ANGPT1: variants seen among roughly 807,000 people sequenced by gnomAD.
ANGPT1 encodes the protein angiopoietin 1, also known as angiopoietin-1.
ANGPT1 carries 17 observed loss-of-function variants against 62.2 expected under a neutral mutation model. The ratio of observed to expected loss-of-function variants is 0.27; its 90% CI spans 0.19 to 0.41. The LOEUF is 0.41. ANGPT1 is among the 10% of genes least tolerant of loss of function. The probability of loss-of-function intolerance (pLI) is 1.00; values close to 1 mark genes in which losing one functional copy is unlikely to be tolerated. For missense variants in ANGPT1, 478 were observed against 594.9 expected (o/e 0.80, Z 2.04); for synonymous variants, 199 against 198.9 (o/e 1.00, Z 0.00).
chr8:107,299,896 T>C (rs1328227794), intron 5 of ANGPT1, among the ~76,000 whole-genome samples: 2 of 123,698 alleles, frequency 1.6e-5, no homozygotes, highest in African/African-American at 3.0e-5. Flanking sequence ...TATCTAGATA[T>C]GTAGTTATAT....
chr8:107,333,391 G>C (rs530256023), intron 3 of ANGPT1, among the ~76,000 whole-genome samples: 1 of 152,132 alleles, frequency 6.6e-6, no homozygotes, highest in African/African-American at 2.4e-5. Flanking sequence ...GATGTGGAAT[G>C]GAAGTGTAAG....
At chr8:107,457,602 G>A (rs1322773465) in intron 1 of ANGPT1, among the ~76,000 whole-genome samples, 1 of 151,878 alleles carries the variant, frequency 6.6e-6, no homozygotes, top group Non-Finnish European at 1.5e-5. Flanking sequence ...TTTCTGAAGG[G>A]AAGTTACAAG....
intron 1 of ANGPT1, among the ~76,000 whole-genome samples, chr8:107,468,057 AATGG>A (rs1812252335): frequency 6.6e-6 from 1 of 152,102 alleles, no homozygotes; most frequent in Admixed American, 6.6e-5. Flanking sequence ...GAGGGAAATG[AATGG>A]AATCTACAAC....
At chr8:107,368,051 A>T (rs1056178589) in intron 1 of ANGPT1, among the ~76,000 whole-genome samples, 5 of 152,150 alleles carry the variant, frequency 3.3e-5, no homozygotes, top group African/African-American at 1.2e-4. Flanking sequence ...AAGGTTTTCA[A>T]TTTACTTTGC....
chr8:107,324,885 G>C (rs897316923), intron 3 of ANGPT1, among the ~76,000 whole-genome samples: 1 of 152,168 alleles, frequency 6.6e-6, no homozygotes. Flanking sequence ...AATACCAAGA[G>C]AGAAAGGAGC....
At chr8:107,445,842 T>C (rs1168102236) in intron 1 of ANGPT1, among the ~76,000 whole-genome samples, 2 of 152,182 alleles carry the variant, frequency 1.3e-5, no homozygotes, top group African/African-American at 2.4e-5. Context: ...TTAAAGTTTC[T>C]AGTATGCTAC....
intron 5 of ANGPT1, 46 bp downstream of exon 5, chr8:107,303,194 A>G: frequency 6.3e-7 from 1 of 1,596,734 alleles, no homozygotes; most frequent in East Asian, 2.2e-5. Context: ...CAGCAATTCA[A>G]CTGGGATCTG....
intron 1 of ANGPT1, among the ~76,000 whole-genome samples, chr8:107,414,764 T>C (rs1198364121): frequency 2.0e-5 from 3 of 152,176 alleles, no homozygotes; most frequent in Admixed American, 6.5e-5. Flanking sequence ...ATAATACCTC[T>C]ACAAAATGAA....
intron 1 of ANGPT1, among the ~76,000 whole-genome samples, chr8:107,469,280 G>A (rs1418201249): frequency 6.6e-6 from 1 of 151,916 alleles, no homozygotes; most frequent in Non-Finnish European, 1.5e-5. Context: ...TCATTGTCCT[G>A]TGTATCTCTT....
At chr8:107,282,192 T>C (rs997646605) in intron 7 of ANGPT1, among the ~76,000 whole-genome samples, 47 of 152,048 alleles carry the variant, frequency 3.1e-4, no homozygotes, top group African/African-American at 1.0e-3. Flanking sequence ...TTTTAATGAG[T>C]TCTCATTTCC....
chr8:107,285,283 T>A (rs1449349175), intron 6 of ANGPT1, among the ~76,000 whole-genome samples: 1 of 152,176 alleles, frequency 6.6e-6, no homozygotes, highest in East Asian at 1.9e-4. Flanking sequence ...ACTATTATTA[T>A]TCACAAATGC....
rs1045032008 is a variant in ANGPT1, at chr8:107,291,902, G to C, written c.1038+2034C>G. Reference sequence around the variant, plus strand: ...ATTTCCACTGAAGATGGGGGGGGGGGGGGGCTTGCCACTTAATAGGCAGTC... The same window carrying C: ...ATTTCCACTGAAGATGGGGGGGGGGCGGGGCTTGCCACTTAATAGGCAGTC... On this transcript the variant is annotated intron_variant, in intron 6 of 8. Coordinates refer to ENST00000517746, the MANE Select transcript of ANGPT1 (RefSeq NM_001146.5). Among the ~76,000 whole-genome samples, 10 of 140,426 alleles carry C rather than the reference G, an allele frequency of 7.1e-5. 1 individual carries two copies. Among genetic ancestry groups the C allele is most frequent in the East Asian group, 4.5e-4 (2 of 4,420 alleles). The allele number at this position is 140,426 out of a possible 152,430, so 92.1% of individuals were successfully genotyped here. A position where few individuals can be genotyped will look rare whatever the true frequency, so the allele number is the denominator to read the frequency against.
At chr8:107,292,401 T>G (rs1401541925) in intron 6 of ANGPT1, among the ~76,000 whole-genome samples, 1 of 152,168 alleles carries the variant, frequency 6.6e-6, no homozygotes, top group Non-Finnish European at 1.5e-5. Context: ...ACTAGTAATG[T>G]ACACTGAGTA....
chr8:107,333,988 G>GGAA (rs1815491992), intron 3 of ANGPT1, among the ~76,000 whole-genome samples: 5 of 54,156 alleles, frequency 9.2e-5, no homozygotes, highest in Non-Finnish European at 2.1e-4. Flanking sequence ...GAGGGAGGGA[G>GGAA]GGAGGGAGGG....
chr8:107,282,329 A>T (rs145851354), intron 7 of ANGPT1, among the ~76,000 whole-genome samples: 1,685 of 151,604 alleles, frequency 0.011, 20 homozygotes, highest in Middle Eastern at 0.02. Flanking sequence ...AGCATGACAG[A>T]ACAGAAACCA....
At chr8:107,428,009 G>A (rs1293086931) in intron 1 of ANGPT1, among the ~76,000 whole-genome samples, 1 of 152,126 alleles carries the variant, frequency 6.6e-6, no homozygotes, top group Admixed American at 6.5e-5. Context: ...GTTACAAATT[G>A]AAGAAGCCAT....
At chr8:107,269,668 C>T (rs1433704049) in intron 7 of ANGPT1, among the ~76,000 whole-genome samples, 1 of 151,742 alleles carries the variant, frequency 6.6e-6, no homozygotes, top group African/African-American at 2.4e-5. Context: ...CAAAATGTTC[C>T]TCCAGAAAAA....
chr8:107,398,304 T>C (rs1456552143), intron 1 of ANGPT1, among the ~76,000 whole-genome samples: 1 of 152,168 alleles, frequency 6.6e-6, no homozygotes, highest in Non-Finnish European at 1.5e-5. Context: ...TCTGCTTTTG[T>C]GTGTGAAAAT....
chr8:107,427,618 C>T lies in ANGPT1; in HGVS notation c.297+69644G>A, dbSNP rs563282097. On this transcript the variant is annotated intron_variant, in intron 1 of 8. Coordinates refer to ENST00000517746, the MANE Select transcript of ANGPT1 (RefSeq NM_001146.5). ...TAACATTTCTGTTTGATTCTCCCCT[C>T]CCTTTGTCCAAGTAAGATCTTCCAC... is the stretch of plus-strand genomic sequence containing the variant. Among the ~76,000 whole-genome samples the T allele has an allele frequency of 1.2e-4, 19 of 152,298 alleles. No homozygotes were observed. The East Asian group carries it at 2.7e-3, about 22-fold the overall frequency.
Sources: gnomAD v4.1 joint callset for allele counts (sites outside exome capture counted in the v4.1 genomes callset) on GRCh38, gnomAD v4.1.1 for gene constraint, MANE v1.5 for transcripts, NCBI Gene and HGNC (gene_info 2026-07-23, HGNC 2026-07-21) for gene names.